PXDNL: variants seen among roughly 807,000 people sequenced by gnomAD.
The protein encoded by PXDNL is peroxidasin like, also known as probable oxidoreductase PXDNL.
PXDNL carries 145 observed loss-of-function variants against 150.8 expected under a neutral mutation model. The observed-to-expected ratio is 0.96, with a 90% CI of 0.84 to 1.10. PXDNL has a LOEUF of 1.10. Among genes scored for constraint, PXDNL ranks in the 50% least tolerant of loss-of-function variants. The pLI, the probability that PXDNL is intolerant of heterozygous loss-of-function variation, is 0.00. For missense variants in PXDNL, 2,087 were observed against 1,873.9 expected (o/e 1.11, Z -2.10); for synonymous variants, 757 against 725.7 (o/e 1.04, Z -0.69).
At chr8:51,599,753 C>T (rs556885430) in intron 2 of PXDNL, among the ~76,000 whole-genome samples, 49 of 143,680 alleles carry the variant, frequency 3.4e-4, no homozygotes, top group Admixed American at 2.3e-3. Context: ...TAAATGATAT[C>T]GTTTATATAA....
chr8:51,572,579 A>G (rs934859580), intron 3 of PXDNL, among the ~76,000 whole-genome samples: 1 of 151,962 alleles, frequency 6.6e-6, no homozygotes, highest in Non-Finnish European at 1.5e-5. Context: ...TTATTTAATA[A>G]GTATAGTTTT....
intron 3 of PXDNL, among the ~76,000 whole-genome samples, chr8:51,590,823 G>A (rs1585603305): frequency 6.6e-6 from 1 of 152,142 alleles, no homozygotes; most frequent in Middle Eastern, 3.4e-3. Flanking sequence ...TGAGATTCTG[G>A]GCTTTGGACT....
intron 21 of PXDNL, among the ~76,000 whole-genome samples, chr8:51,322,944 C>T (rs946708741): frequency 6.6e-6 from 1 of 152,112 alleles, no homozygotes; most frequent in African/African-American, 2.4e-5. Flanking sequence ...GGACTTGACC[C>T]CTGACTTTAG....
chr8:51,636,994 C>A (rs1838240839), intron 2 of PXDNL, among the ~76,000 whole-genome samples: 1 of 152,108 alleles, frequency 6.6e-6, no homozygotes, highest in Non-Finnish European at 1.5e-5. Flanking sequence ...TGAGATGAAG[C>A]TTCCAGAGGA....
rs1489463112 is a variant in PXDNL at position 51,744,946 on chromosome 8, AAG to A, written c.164+64233_164+64234del. 6.4e-4 allele frequency among the ~76,000 whole-genome samples: 4 copies of A among 6,212 alleles called. No individual in the cohort carries two copies. In the Non-Finnish European group the frequency reaches 0.023, roughly 36 times the overall value. The allele number at this position is 6,212 out of a possible 152,430, so 4.1% of individuals were successfully genotyped here. A position where few individuals can be genotyped will look rare whatever the true frequency, so the allele number is the denominator to read the frequency against. ...AGAAAGAAAAAGAAAGAAAGAAAGA[AAG>A]AAAGAAAGAAAGAAAGAAAGAAAGA... On this transcript the variant is annotated intron_variant, in intron 1 of 22. Transcript: ENST00000356297.
chr8:51,698,915 A>G (rs1161878605), intron 1 of PXDNL, among the ~76,000 whole-genome samples: 2 of 152,172 alleles, frequency 1.3e-5, no homozygotes, highest in African/African-American at 4.8e-5. Context: ...AATGAGTGGT[A>G]ATATTTTGAA....
intron 8 of PXDNL, 93 bp downstream of exon 8, chr8:51,472,094 A>C: frequency 1.3e-6 from 1 of 750,350 alleles, no homozygotes; most frequent in Non-Finnish European, 2.2e-6. Flanking sequence ...AAATTTTAGT[A>C]ATTTCTTCTC....
At chr8:51,457,751 T>G in intron 8 of PXDNL, 84 bp from the exon 9 acceptor site, 5 of 894,636 alleles carry the variant, frequency 5.6e-6, no homozygotes, top group Non-Finnish European at 6.5e-6. Flanking sequence ...TAGTACTATA[T>G]AGCTATGTTT....
chr8:51,577,999 G>GAGAGAGGA, intron 3 of PXDNL, among the ~76,000 whole-genome samples: 1 of 31,550 alleles, frequency 3.2e-5, no homozygotes, highest in East Asian at 7.9e-4. Flanking sequence ...AAGAAAGAAA[G>GAGAGAGGA]AGGAAGGAAG....
intron 6 of PXDNL, among the ~76,000 whole-genome samples, chr8:51,482,705 G>A (rs149720311): frequency 0.014 from 2,092 of 152,290 alleles, 20 homozygotes; most frequent in Non-Finnish European, 0.02. Context: ...ATAAACAGGA[G>A]TTCCCTGCAC....
At chr8:51,465,068 TC>T (rs2130050003) in intron 8 of PXDNL, among the ~76,000 whole-genome samples, 1 of 152,142 alleles carries the variant, frequency 6.6e-6, no homozygotes, top group Admixed American at 6.5e-5. Context: ...GTGAATATCA[TC>T]CTGATACTAA....
At chr8:51,505,934 T>C (rs2130316455) in intron 4 of PXDNL, among the ~76,000 whole-genome samples, 1 of 152,352 alleles carries the variant, frequency 6.6e-6, no homozygotes, top group South Asian at 2.1e-4. Context: ...AAGAATTATC[T>C]ATTACACCAA....
intron 5 of PXDNL, among the ~76,000 whole-genome samples, chr8:51,496,195 A>G (rs1811043730): frequency 6.6e-6 from 1 of 152,256 alleles, no homozygotes. Context: ...GATTATCTCA[A>G]TAGATGCAGA....
intron 4 of PXDNL, among the ~76,000 whole-genome samples, chr8:51,550,095 A>T (rs59177891): frequency 0.026 from 3,972 of 152,270 alleles, 95 homozygotes; most frequent in African/African-American, 0.06. Context: ...AGATGAATAC[A>T]TTCCTGGAAA....
chr8:51,373,762 T>A (rs1175752350), intron 18 of PXDNL, among the ~76,000 whole-genome samples: 1 of 152,154 alleles, frequency 6.6e-6, no homozygotes, highest in African/African-American at 2.4e-5. Context: ...GGTTATATTG[T>A]CAAACAGATT....
At chr8:51,751,338 T>C (rs1285793775) in intron 1 of PXDNL, among the ~76,000 whole-genome samples, 1 of 152,234 alleles carries the variant, frequency 6.6e-6, no homozygotes, top group Non-Finnish European at 1.5e-5. Flanking sequence ...TCAAATACTA[T>C]TAAATCTTAA....
At chr8:51,616,644 A>G (rs1204044800) in intron 2 of PXDNL, among the ~76,000 whole-genome samples, 1 of 152,196 alleles carries the variant, frequency 6.6e-6, no homozygotes, top group Non-Finnish European at 1.5e-5. Flanking sequence ...GTATACTTTC[A>G]GTACTCCTGT....
rs1805261961 is a variant in PXDNL at position 51,319,815 on chromosome 8, A to G, written c.*76T>C. 2 of 1,322,664 alleles carry G rather than the reference A, an allele frequency of 1.5e-6. No individual in the cohort carries two copies. The highest frequency in any genetic ancestry group is 3.0e-5 in the African/African-American group (2 of 66,698). The allele number at this position is 1,322,664 out of a possible 1,614,324, so 81.9% of individuals were successfully genotyped here. The stretch of plus-strand genomic sequence containing the variant: ...TTTCCATATCAACAATGTGACTACA[A>G]GTTAAAAGTTCTGAAGTCCTAAATG... On this transcript the variant is annotated 3_prime_UTR_variant, in exon 23 of 23. Transcript: ENST00000356297.
intron 1 of PXDNL, among the ~76,000 whole-genome samples, chr8:51,732,599 C>G (rs1335372640): frequency 2.0e-5 from 3 of 152,126 alleles, no homozygotes; most frequent in Non-Finnish European, 2.9e-5. Flanking sequence ...TTAGTCTGTT[C>G]TCACCCTGCT....
Sources: gnomAD v4.1 joint callset for allele counts (sites outside exome capture counted in the v4.1 genomes callset) on GRCh38, gnomAD v4.1.1 for gene constraint, MANE v1.5 for transcripts, NCBI Gene and HGNC (gene_info 2026-07-23, HGNC 2026-07-21) for gene names.